RNF125: variants seen among roughly 807,000 people sequenced by gnomAD.
RNF125 encodes the protein ring finger protein 125, also known as E3 ubiquitin-protein ligase RNF125.
RNF125 carries 21 observed loss-of-function variants against 26.0 expected under a neutral mutation model. The ratio of observed to expected loss-of-function variants is 0.81; its 90% confidence interval spans 0.57 to 1.16. The LOEUF (loss-of-function observed/expected upper bound fraction) is 1.16, where lower values mean the gene tolerates loss of function less well. Among genes scored for constraint, RNF125 ranks in the 50% most tolerant of loss-of-function variants. The probability of loss-of-function intolerance (pLI) is 0.00; values close to 1 mark genes in which losing one functional copy is unlikely to be tolerated. For missense variants in RNF125, 270 were observed against 299.4 expected (o/e 0.90, Z 0.72); for synonymous variants, 95 against 109.2 (o/e 0.87, Z 0.81).
chr18:32,065,650 A>G (rs1243464275), intron 4 of RNF125, among the ~76,000 whole-genome samples: 2 of 152,100 alleles, frequency 1.3e-5, no homozygotes, highest in African/African-American at 4.8e-5. Context: ...CTCCTGCCTC[A>G]GTCTCCCGAG....
chr18:32,020,994 C>A (rs2038980977), intron 1 of RNF125, among the ~76,000 whole-genome samples: 1 of 152,200 alleles, frequency 6.6e-6, no homozygotes, highest in East Asian at 1.9e-4. Context: ...AAGCAGTTTT[C>A]ACTACTGCCC....
At chr18:32,051,836 T>G (rs2039331680) in intron 4 of RNF125, among the ~76,000 whole-genome samples, 1 of 151,546 alleles carries the variant, frequency 6.6e-6, no homozygotes, top group African/African-American at 2.4e-5. Flanking sequence ...ATTACAGGCA[T>G]GCACCACTGC....
rs71177836 is a variant in RNF125 at position 32,051,615 on chromosome 18, TAAAAAAAAAAA to T, written c.504+5896_504+5906del. Among the ~76,000 whole-genome samples the T allele has an allele frequency of 3.8e-5, 3 of 78,978 alleles. 1 individual carries two copies. The highest frequency in any genetic ancestry group is 3.7e-4 in the Admixed American group (2 of 5,418). 51.8% of individuals were successfully genotyped at this position (78,978 alleles called of 152,430 possible). A position where few individuals can be genotyped will look rare whatever the true frequency, so the allele number is the denominator to read the frequency against. On this transcript the variant is annotated intron_variant, in intron 4 of 5. Coordinates refer to ENST00000217740, the MANE Select transcript of RNF125 (RefSeq NM_017831.4). ...GGGCGACAAGAGCAAGACTCAGTCT[TAAAAAAAAAAA>T]AAAAAAAAAAAAGGCATGATTCCAT...
intron 4 of RNF125, among the ~76,000 whole-genome samples, chr18:32,060,835 A>T (rs1406889046): frequency 1.3e-5 from 2 of 152,122 alleles, no homozygotes; most frequent in Non-Finnish European, 2.9e-5. Flanking sequence ...ATTAAATTTT[A>T]TGTTGACCAG....
intron 4 of RNF125, among the ~76,000 whole-genome samples, chr18:32,061,761 C>T (rs2039437017): frequency 6.6e-6 from 1 of 152,198 alleles, no homozygotes; most frequent in South Asian, 2.1e-4. Flanking sequence ...TGTCTGTTCA[C>T]ATCTTGAGTA....
chr18:32,042,299 A>G (rs376483101), intron 3 of RNF125, 26 bp downstream of exon 3: 1 of 1,375,220 alleles, frequency 7.3e-7, no homozygotes, highest in African/African-American at 1.4e-5. Flanking sequence ...ATATAGTTTA[A>G]TGCTAAAATT....
rs545448907 is a variant in RNF125, at chr18:32,048,437, C to CA, written c.504+2712dup. Among the ~76,000 whole-genome samples the CA allele has an allele frequency of 2.0e-4, 14 of 69,764 alleles. No individual in the cohort carries two copies. The South Asian group carries it at 2.6e-3, about 13-fold the overall frequency. The allele number at this position is 69,764 out of a possible 152,430, so 45.8% of individuals were successfully genotyped here. ...GCGAAACTCTATCTCAAAAAACAAACAAAAAAACCCAAAAAAACCTGTCTC... is the reference window on the plus strand; with the variant it reads ...GCGAAACTCTATCTCAAAAAACAAACAAAAAAAACCCAAAAAAACCTGTCTC... On this transcript the variant is annotated intron_variant, in intron 4 of 5. Coordinates refer to ENST00000217740, the MANE Select transcript of RNF125 (RefSeq NM_017831.4).
intron 1 of RNF125, 93 bp from the exon 2 acceptor site, chr18:32,037,023 G>A: frequency 1.7e-6 from 2 of 1,147,690 alleles, no homozygotes; most frequent in Non-Finnish European, 2.5e-6. Context: ...GGTACGAGGT[G>A]TCATTAAATT....
At chr18:32,024,849 G>T (rs567455737) in intron 1 of RNF125, among the ~76,000 whole-genome samples, 41 of 152,308 alleles carry the variant, frequency 2.7e-4, no homozygotes, top group African/African-American at 9.9e-4. Context: ...GGGAGGCCGA[G>T]GCAGGCGGAT....
At chr18:32,024,803 G>A (rs2039017653) in intron 1 of RNF125, among the ~76,000 whole-genome samples, 1 of 152,148 alleles carries the variant, frequency 6.6e-6, no homozygotes, top group African/African-American at 2.4e-5. Flanking sequence ...CTTTATTGCT[G>A]GGCACAGTGG....
At chr18:32,056,658 A>G (rs527721878) in intron 4 of RNF125, among the ~76,000 whole-genome samples, 2 of 151,664 alleles carry the variant, frequency 1.3e-5, no homozygotes, top group African/African-American at 4.8e-5. Context: ...ATAGAAAAAA[A>G]GATAATAACA....
chr18:32,076,632 T>C (rs1227383944), downstream of RNF125, among the ~76,000 whole-genome samples: 3 of 152,150 alleles, frequency 2.0e-5, no homozygotes, highest in Non-Finnish European at 4.4e-5. Flanking sequence ...GAGAATAAAT[T>C]CTAAAGGCCT....
In RNF125 at chr18:32,018,884, C is replaced by T. The variant is rs34097443; in HGVS notation, c.21C>T (p.Thr7=). 0.028 allele frequency: 44,234 copies of T among 1,591,738 alleles called. 1,559 individuals carry two copies. The highest frequency in any genetic ancestry group is 0.23 in the East Asian group (9,838 of 43,708). The stretch of plus-strand genomic sequence containing the variant: ...CAGCGATGGGCTCCGTGCTGAGCAC[C>T]GACAGCGGCAAATCGGCGCCCGCCT... The part of the protein sequence containing the change: MGSVLS[T]DSGKSAPASA... Residue 7 remains threonine (T), a synonymous_variant, in exon 1 of 6, where the codon ACC becomes ACT. Transcript: ENST00000217740.
At chr18:32,067,302 C>T (rs1352805736) in intron 5 of RNF125, among the ~76,000 whole-genome samples, 3 of 152,134 alleles carry the variant, frequency 2.0e-5, no homozygotes, top group Non-Finnish European at 4.4e-5. Flanking sequence ...AAAGCCAGGT[C>T]GATTCTATGG....
the RNF125 span, among the ~76,000 whole-genome samples, chr18:32,090,100 G>A: frequency 6.6e-6 from 1 of 152,170 alleles, no homozygotes; most frequent in Non-Finnish European, 1.5e-5. Flanking sequence ...GCAAAAATTA[G>A]TTTGGCATGG....
the RNF125 span, among the ~76,000 whole-genome samples, chr18:32,082,347 T>C: frequency 1.3e-5 from 2 of 152,088 alleles, no homozygotes; most frequent in Non-Finnish European, 2.9e-5. Flanking sequence ...CACATATATA[T>C]ACATGGACAC....
chr18:32,084,810 G>A, the RNF125 span, among the ~76,000 whole-genome samples: 3 of 152,088 alleles, frequency 2.0e-5, no homozygotes, highest in African/African-American at 7.2e-5. Flanking sequence ...TGTTAAAAAT[G>A]GAAGCTGTAT....
At chr18:32,065,778 G>A (rs1291395534) in intron 4 of RNF125, 124 bp from the exon 5 acceptor site, 22 of 647,928 alleles carry the variant, frequency 3.4e-5, no homozygotes, top group East Asian at 1.3e-4. Context: ...TGATCCGGCC[G>A]CCTCTGCCTC....
intron 4 of RNF125, among the ~76,000 whole-genome samples, chr18:32,056,332 C>A (rs904151151): frequency 6.6e-6 from 1 of 152,084 alleles, no homozygotes; most frequent in Non-Finnish European, 1.5e-5. Context: ...AAAGGACTGG[C>A]CTGGCGTGGT....
Sources: allele counts gnomAD v4.1 joint callset (sites outside exome capture counted in the v4.1 genomes callset), GRCh38; gene constraint gnomAD v4.1.1; transcripts MANE v1.5; gene names NCBI Gene and HGNC (gene_info 2026-07-23, HGNC 2026-07-21).